POU6F2: variants seen among roughly 807,000 people sequenced by gnomAD.
POU6F2 encodes the protein POU class 6 homeobox 2.
In POU6F2, 31 loss-of-function variants were observed where a neutral mutation model predicts 71.3. That is an observed-to-expected ratio of 0.43 (90% CI 0.33 to 0.59). The LOEUF is 0.59. Ranked by LOEUF, POU6F2 falls within the 20% of genes least tolerant of loss-of-function variation. The pLI is 0.04. For missense variants in POU6F2, 783 were observed against 856.8 expected, an observed-to-expected ratio of 0.91 and a Z score of 1.07; for synonymous variants, 347 against 355.7, an observed-to-expected ratio of 0.98 and a Z score of 0.27.
At chr7:39,264,592 A>G (rs1784205081) in intron 4 of POU6F2, among the ~76,000 whole-genome samples, 1 of 152,168 alleles carries the variant, frequency 6.6e-6, no homozygotes, top group South Asian at 2.1e-4. Flanking sequence ...TGAGGTCATC[A>G]GTTATTTACC....
chr7:39,162,272 A>G (rs1466197346), intron 2 of POU6F2, among the ~76,000 whole-genome samples: 1 of 152,202 alleles, frequency 6.6e-6, no homozygotes, highest in Non-Finnish European at 1.5e-5. Flanking sequence ...GAATATTTAC[A>G]GTAGTTAGGA....
chr7:39,026,725 A>G (rs1026705986), intron 1 of POU6F2, among the ~76,000 whole-genome samples: 11 of 152,168 alleles, frequency 7.2e-5, no homozygotes, highest in African/African-American at 2.7e-4. Context: ...CATTGTGCAC[A>G]TGTACCCTAA....
At chr7:39,371,076 G>T (rs943878190) in intron 5 of POU6F2, among the ~76,000 whole-genome samples, 23 of 152,176 alleles carry the variant, frequency 1.5e-4, no homozygotes, top group African/African-American at 5.3e-4. Context: ...CCTCTGCAGG[G>T]CATAGACCTG....
intron 1 of POU6F2, among the ~76,000 whole-genome samples, chr7:39,068,490 C>CATATATATATATATATATATATACAT (rs3057275): frequency 6.8e-6 from 1 of 146,644 alleles, no homozygotes; most frequent in African/African-American, 2.6e-5. Flanking sequence ...CTAGTACATG[C>CATATATATATATATATATATATACAT]ATATATATAT....
chr7:39,023,745 C>G lies in POU6F2; in HGVS notation c.105+45687C>G, dbSNP rs113901981. On this transcript the variant is annotated intron_variant, in intron 1 of 9. Coordinates refer to ENST00000518318, the MANE Select transcript of POU6F2 (RefSeq NM_001370959.1). ...CACATTATAGCTACTGCTTATTGAA[C>G]ACGTAACTATGATACAGGTTCCATT... Among the ~76,000 whole-genome samples, 200 of 152,160 alleles carry G rather than the reference C, an allele frequency of 1.3e-3. 1 individual carries two copies. Among genetic ancestry groups the G allele is most frequent in the Middle Eastern group, 6.8e-3 (2 of 294 alleles).
intron 1 of POU6F2, among the ~76,000 whole-genome samples, chr7:39,060,345 G>C (rs1232420071): frequency 6.6e-6 from 1 of 152,288 alleles, no homozygotes; most frequent in Non-Finnish European, 1.5e-5. Context: ...AGATAATGGA[G>C]TTATAACTCA....
At chr7:39,045,261 G>A (rs1337323109) in intron 1 of POU6F2, among the ~76,000 whole-genome samples, 1 of 151,950 alleles carries the variant, frequency 6.6e-6, no homozygotes, top group African/African-American at 2.4e-5. Flanking sequence ...AGGACCCACT[G>A]GGTGGGATTT....
intron 9 of POU6F2, among the ~76,000 whole-genome samples, chr7:39,461,738 T>G (rs1788953852): frequency 6.6e-6 from 1 of 152,218 alleles, no homozygotes; most frequent in Non-Finnish European, 1.5e-5. Context: ...CATTGATTGT[T>G]GTTAAATACA....
chr7:38,981,007 G>A (rs1788302636), intron 1 of POU6F2, among the ~76,000 whole-genome samples: 1 of 152,108 alleles, frequency 6.6e-6, no homozygotes, highest in Admixed American at 6.6e-5. Context: ...TCTAGTACTT[G>A]GAAGAACAAA....
At chr7:39,136,025 AT>A (rs1792381731) in intron 2 of POU6F2, among the ~76,000 whole-genome samples, 2 of 152,230 alleles carry the variant, frequency 1.3e-5, no homozygotes, top group Non-Finnish European at 2.9e-5. Flanking sequence ...ACAACTATGA[AT>A]TACCAAAGAA....
At chr7:39,103,324 G>A (rs1320501312) in intron 2 of POU6F2, among the ~76,000 whole-genome samples, 1 of 152,138 alleles carries the variant, frequency 6.6e-6, no homozygotes, top group South Asian at 2.1e-4. Context: ...GACACTGGGT[G>A]GACAATATGT....
Position 39,226,124 on chromosome 7 carries a change from A to C in POU6F2, c.598+18504A>C, listed in dbSNP as rs544221352. Among the ~76,000 whole-genome samples the C allele has an allele frequency of 6.0e-4, 92 of 152,318 alleles. 2 individuals carry two copies. In the South Asian group the frequency reaches 0.019, roughly 32 times the overall value. ...GATTTACATGGTCAGTGGAAAGAAA[A>C]TTAACTTATGGAAGGTTGTAATGAA... On this transcript the variant is annotated intron_variant, in intron 4 of 9. Coordinates refer to ENST00000518318, the MANE Select transcript of POU6F2 (RefSeq NM_001370959.1).
chr7:39,265,266 C>G (rs1304280321), intron 4 of POU6F2, among the ~76,000 whole-genome samples: 1 of 152,150 alleles, frequency 6.6e-6, no homozygotes, highest in Non-Finnish European at 1.5e-5. Context: ...AACTGCTCGG[C>G]CATACCCCAA....
At chr7:39,299,304 CT>C in intron 4 of POU6F2, among the ~76,000 whole-genome samples, 1 of 152,264 alleles carries the variant, frequency 6.6e-6, no homozygotes, top group East Asian at 1.9e-4. Flanking sequence ...TTTTCTTCAT[CT>C]TTTTTGAATA....
At chr7:39,062,407 G>A (rs760349508) in intron 1 of POU6F2, among the ~76,000 whole-genome samples, 7 of 151,720 alleles carry the variant, frequency 4.6e-5, no homozygotes, top group African/African-American at 7.3e-5. Context: ...GTTTGAACAC[G>A]ATCTACCTTC....
intron 1 of POU6F2, among the ~76,000 whole-genome samples, chr7:39,026,059 C>T (rs1789793282): frequency 6.6e-6 from 1 of 152,232 alleles, no homozygotes; most frequent in Admixed American, 6.5e-5. Context: ...GATACCATCT[C>T]ATGCCAGTTA....
At chr7:39,394,911 A>G (rs1787142836) in intron 5 of POU6F2, among the ~76,000 whole-genome samples, 1 of 152,130 alleles carries the variant, frequency 6.6e-6, no homozygotes, top group African/African-American at 2.4e-5. Context: ...AGAAGCTTGC[A>G]GGGAGAGACC....
At chr7:39,264,963 G>T (rs980602573) in intron 4 of POU6F2, among the ~76,000 whole-genome samples, 1 of 152,116 alleles carries the variant, frequency 6.6e-6, no homozygotes, top group Non-Finnish European at 1.5e-5. Flanking sequence ...TTATTGTCAG[G>T]CATGGTCAGA....
chr7:39,406,923 T>C (rs1293642746), intron 6 of POU6F2, among the ~76,000 whole-genome samples, 183 bp downstream of exon 6: 3 of 152,150 alleles, frequency 2.0e-5, no homozygotes, highest in African/African-American at 7.2e-5. Flanking sequence ...AGAAGCAAGA[T>C]TTTTTTCCTA....
Sources: allele counts gnomAD v4.1 joint callset (sites outside exome capture counted in the v4.1 genomes callset), GRCh38; gene constraint gnomAD v4.1.1; transcripts MANE v1.5; gene names NCBI Gene and HGNC (gene_info 2026-07-23, HGNC 2026-07-21).